CR1: variants seen among roughly 807,000 people sequenced by gnomAD.
The protein encoded by CR1 is complement receptor type 1.
A neutral mutation model predicts 187.3 loss-of-function variants in CR1; 116 were observed. The observed-to-expected ratio is 0.62, with a 90% CI of 0.53 to 0.72. The LOEUF is 0.72. Among genes scored for constraint, CR1 ranks in the 30% least tolerant of loss-of-function variants. CR1 has a pLI of 0.00. For missense variants in CR1, 1,731 were observed against 2,110.7 expected (o/e 0.82, Z 3.52); for synonymous variants, 576 against 747.1 (o/e 0.77, Z 3.73).
chr1:207,617,567 ATGTGTGTGTG>A (rs1201411323), intron 41 of CR1, among the ~76,000 whole-genome samples: 2 of 63,018 alleles, frequency 3.2e-5, no homozygotes, highest in African/African-American at 9.5e-5. Flanking sequence ...GTGTATATAT[ATGTGTGTGTG>A]TATATATATA....
intron 46 of CR1, among the ~76,000 whole-genome samples, chr1:207,633,570 TCAAA>T (rs1251711341): frequency 1.3e-5 from 2 of 152,376 alleles, no homozygotes; most frequent in African/African-American, 4.8e-5. Flanking sequence ...TATTTATTCT[TCAAA>T]CATTCTTAGC....
intron 35 of CR1, chr1:207,598,804 A>C (rs550100757): frequency 6.6e-5 from 10 of 152,376 alleles, no homozygotes; most frequent in African/African-American, 2.2e-4. Flanking sequence ...GAGCTCATTC[A>C]GCTGTTTCAA....
At chr1:207,589,310 C>T (rs1661200116) in intron 35 of CR1, among the ~76,000 whole-genome samples, 2 of 152,208 alleles carry the variant, frequency 1.3e-5, no homozygotes, top group South Asian at 4.1e-4. Flanking sequence ...TGAGAAGGGG[C>T]TTTTAAAAAC....
intron 43 of CR1, 44 bp from the exon 44 acceptor site, chr1:207,621,929 T>A: frequency 1.9e-6 from 3 of 1,539,532 alleles, no homozygotes; most frequent in Non-Finnish European, 2.7e-6. Flanking sequence ...TTCAATCATG[T>A]TGCATGCCAG....
intron 46 of CR1, among the ~76,000 whole-genome samples, chr1:207,633,936 G>T (rs538751020): frequency 6.6e-6 from 1 of 152,136 alleles, no homozygotes; most frequent in Admixed American, 6.5e-5. Context: ...GTTCTCTGGC[G>T]GGCAGAAGTG....
intron 4 of CR1, among the ~76,000 whole-genome samples, chr1:207,522,112 A>G (rs1441600546): frequency 6.6e-6 from 1 of 152,148 alleles, no homozygotes; most frequent in African/African-American, 2.4e-5. Context: ...TTGATTGTGT[A>G]TCAGGAATTC....
chr1:207,621,915 C>T (rs1464510527), intron 43 of CR1, 58 bp from the exon 44 acceptor site: 2 of 1,429,562 alleles, frequency 1.4e-6, no homozygotes, highest in Non-Finnish European at 1.9e-6. Flanking sequence ...GCTGAGAGGT[C>T]CTGTTCAATC....
intron 39 of CR1, among the ~76,000 whole-genome samples, chr1:207,612,858 G>T (rs2102388858): frequency 6.6e-6 from 1 of 152,324 alleles, no homozygotes; most frequent in Admixed American, 6.5e-5. Context: ...CCCAAACAGG[G>T]GTGCCCATGA....
chr1:207,567,257 C>A (rs1263470145), intron 24 of CR1, among the ~76,000 whole-genome samples: 2 of 142,676 alleles, frequency 1.4e-5, no homozygotes, highest in Non-Finnish European at 3.0e-5. Flanking sequence ...CATCTGAATC[C>A]ATTTGGAGTT....
At chr1:207,565,698 G>C in intron 23 of CR1, 140 bp from the exon 24 acceptor site, 1 of 1,123,648 alleles carries the variant, frequency 8.9e-7, no homozygotes, top group Non-Finnish European at 1.3e-6. Context: ...GATTTTTCCA[G>C]AATAAGGTAG....
intron 27 of CR1, among the ~76,000 whole-genome samples, chr1:207,573,427 C>G (rs1393839300): frequency 3.3e-5 from 5 of 152,088 alleles, no homozygotes; most frequent in East Asian, 3.9e-4. Flanking sequence ...GGTAAATTTC[C>G]TGACTGTACC....
Position 207,640,523 on chromosome 1 carries a change from ATTG to A in CR1, c.*1117_*1119del, listed in dbSNP as rs1662951974. On this transcript the variant is annotated 3_prime_UTR_variant, in exon 47 of 47. Transcript: ENST00000367049. ...TAATAAAAATTGAAATGAAAGAATA[ATTG>A]TTATTATAAAAGTACTAGCTTACTT... 1 of 152,232 alleles carries A rather than the reference ATTG, an allele frequency of 6.6e-6. No individual in the cohort carries two copies. Among genetic ancestry groups the A allele is most frequent in the Admixed American group, 6.5e-5 (1 of 15,288 alleles). The allele number at this position is 152,232 out of a possible 1,614,324, so 9.4% of individuals were successfully genotyped here.
At chr1:207,590,477 G>C (rs886419752) in intron 35 of CR1, among the ~76,000 whole-genome samples, 1 of 152,100 alleles carries the variant, frequency 6.6e-6, no homozygotes, top group Non-Finnish European at 1.5e-5. Flanking sequence ...ACATGGAAAG[G>C]AATAACTGGT....
intron 41 of CR1, 51 bp downstream of exon 41, chr1:207,616,853 G>A: frequency 6.3e-7 from 1 of 1,590,556 alleles, no homozygotes; most frequent in Non-Finnish European, 8.6e-7. Flanking sequence ...ATCTAGGTAA[G>A]AACCTCCATA....
chr1:207,496,466 C>G (rs1572977628), intron 1 of CR1, 78 bp downstream of exon 1: 1 of 1,421,954 alleles, frequency 7.0e-7, no homozygotes. Context: ...GCGTGCAGCG[C>G]TGAGCTGCGC....
chr1:207,590,217 C>T (rs1362747715), intron 35 of CR1, among the ~76,000 whole-genome samples: 1 of 152,082 alleles, frequency 6.6e-6, no homozygotes, highest in African/African-American at 2.4e-5. Context: ...AGAGAAAGGT[C>T]GGGTTACCTA....
In CR1 at chr1:207,587,791, T is replaced by G. The variant is rs1661156595; in HGVS notation, c.5710+226T>G. 2.6e-5 allele frequency among the ~76,000 whole-genome samples: 4 copies of G among 152,244 alleles called. No homozygotes were observed. In the South Asian group the frequency reaches 8.3e-4, roughly 32 times the overall value. ...GATTTGATTCAATTTGCTCAAATTT[T>G]GGAAGCAAGATGTCTATATTTGCCC... On this transcript the variant is annotated intron_variant, in intron 34 of 46. Coordinates refer to ENST00000367049, the MANE Select transcript of CR1 (RefSeq NM_000651.6).
At chr1:207,622,959 T>C in intron 44 of CR1, 34 bp from the exon 45 acceptor site, 1 of 1,425,522 alleles carries the variant, frequency 7.0e-7, no homozygotes, top group Non-Finnish European at 9.7e-7. Context: ...AGTTATATTT[T>C]CCATGCATTT....
intron 35 of CR1, chr1:207,605,970 G>C (rs1661739191): frequency 6.6e-6 from 1 of 152,278 alleles, no homozygotes; most frequent in Admixed American, 6.5e-5. Context: ...TGGTATATCA[G>C]TTAGGATTTC....
Sources: gnomAD v4.1 joint callset for allele counts (sites outside exome capture counted in the v4.1 genomes callset) on GRCh38, gnomAD v4.1.1 for gene constraint, MANE v1.5 for transcripts, NCBI Gene and HGNC (gene_info 2026-07-23, HGNC 2026-07-21) for gene names.